The following ARSB variants were observed in gnomAD, a reference collection of about 807,000 sequenced individuals.
ARSB encodes arylsulfatase B, also known as N-acetylgalactosamine-4-sulfatase.
In ARSB, 41 loss-of-function variants were observed where a neutral mutation model predicts 50.9. The observed-to-expected ratio is 0.81, with a 90% confidence interval of 0.63 to 1.04. ARSB has a LOEUF of 1.04. Among genes scored for constraint, ARSB ranks in the 50% least tolerant of loss-of-function variants. ARSB has a pLI of 0.00. For synonymous variants in ARSB, 269 were observed against 284.8 expected (o/e 0.94, Z 0.56); for missense variants, 672 against 693.3 (o/e 0.97, Z 0.35).
At chr5:78,964,322 T>C in intron 3 of ARSB, 94 bp downstream of exon 3, 1 of 1,248,818 alleles carries the variant, frequency 8.0e-7, no homozygotes, top group Admixed American at 1.8e-5. Flanking sequence ...TTTATTAGAT[T>C]TTTCCCTAAA....
intron 4 of ARSB, among the ~76,000 whole-genome samples, chr5:78,949,168 G>T (rs1200125635): frequency 6.6e-6 from 1 of 152,134 alleles, no homozygotes; most frequent in Non-Finnish European, 1.5e-5. Flanking sequence ...GAGGTGGCAA[G>T]GAATGAATCA....
Position 78,938,616 on chromosome 5 carries a change from G to T in ARSB, c.898+16679C>A, listed in dbSNP as rs1022047578. Among the ~76,000 whole-genome samples the T allele has an allele frequency of 5.3e-5, 8 of 152,292 alleles. No homozygotes were observed. In the East Asian group the frequency reaches 1.5e-3, roughly 29 times the overall value. On this transcript the variant is annotated intron_variant, in intron 4 of 7. Transcript: ENST00000264914. ...CACATATAACTTTGTTCCTGGCACA[G>T]AATTTCTATAATATTTTATAAGTCT...
At chr5:78,866,930 C>T (rs1022818832) in intron 5 of ARSB, among the ~76,000 whole-genome samples, 1 of 152,216 alleles carries the variant, frequency 6.6e-6, no homozygotes, top group South Asian at 2.1e-4. Flanking sequence ...CCAGGGAGTG[C>T]AAGACAGTGG....
intron 6 of ARSB, among the ~76,000 whole-genome samples, chr5:78,822,801 C>T (rs923002820): frequency 5.9e-5 from 9 of 152,114 alleles, no homozygotes; most frequent in African/African-American, 1.9e-4. Context: ...CCATGCCCAG[C>T]TAATTTTTGT....
At chr5:78,887,155 C>G (rs1446777456) in intron 4 of ARSB, among the ~76,000 whole-genome samples, 1 of 152,136 alleles carries the variant, frequency 6.6e-6, no homozygotes, top group Non-Finnish European at 1.5e-5. Flanking sequence ...ATAAAGAAAA[C>G]AGGTTTATTT....
intron 1 of ARSB, among the ~76,000 whole-genome samples, chr5:78,983,006 G>A (rs927965174): frequency 1.3e-5 from 2 of 152,156 alleles, no homozygotes; most frequent in Admixed American, 6.5e-5. Context: ...GGTGACTGGT[G>A]GGGGAGGATG....
intron 6 of ARSB, among the ~76,000 whole-genome samples, chr5:78,802,070 C>G (rs996357713): frequency 9.9e-5 from 15 of 151,760 alleles, no homozygotes; most frequent in African/African-American, 3.7e-4. Flanking sequence ...GCACACGAAG[C>G]TCTGTTCATC....
chr5:78,873,533 T>C (rs1747331151), intron 5 of ARSB, among the ~76,000 whole-genome samples: 1 of 114,908 alleles, frequency 8.7e-6, no homozygotes, highest in South Asian at 2.9e-4. Context: ...TCTCGCTCTG[T>C]CGCCCAGGCT....
chr5:78,806,967 ACT>A (rs1240723266), intron 6 of ARSB, among the ~76,000 whole-genome samples: 1 of 151,856 alleles, frequency 6.6e-6, no homozygotes, highest in Non-Finnish European at 1.5e-5. Flanking sequence ...CCGATTAGCT[ACT>A]CTTTCTCCAC....
intron 6 of ARSB, among the ~76,000 whole-genome samples, chr5:78,793,751 T>C (rs1743074437): frequency 1.3e-5 from 2 of 152,042 alleles, no homozygotes; most frequent in African/African-American, 2.4e-5. Context: ...TTGATGGGTG[T>C]TGTGGCTAGG....
chr5:78,913,984 A>G (rs1307241509), intron 4 of ARSB, among the ~76,000 whole-genome samples: 2 of 143,258 alleles, frequency 1.4e-5, no homozygotes, highest in Non-Finnish European at 3.1e-5. Flanking sequence ...TTTTTTTTAG[A>G]CAAGATACCA....
chr5:78,863,185 G>C (rs1746534559), intron 5 of ARSB, among the ~76,000 whole-genome samples: 1 of 152,176 alleles, frequency 6.6e-6, no homozygotes, highest in South Asian at 2.1e-4. Context: ...CAACCATTGT[G>C]GAAGACAGTG....
chr5:78,831,890 G>T (rs1744709970), intron 6 of ARSB, among the ~76,000 whole-genome samples: 1 of 152,050 alleles, frequency 6.6e-6, no homozygotes, highest in South Asian at 2.1e-4. Context: ...GACCCAAAAA[G>T]AAATAAAAAT....
intron 6 of ARSB, among the ~76,000 whole-genome samples, chr5:78,814,536 C>G (rs759750468): frequency 3.3e-5 from 5 of 150,510 alleles, no homozygotes; most frequent in Non-Finnish European, 7.4e-5. Context: ...AAGGCCCACT[C>G]TTTTTTTTGA....
intron 1 of ARSB, among the ~76,000 whole-genome samples, chr5:78,979,939 T>C (rs1752829403): frequency 6.6e-6 from 1 of 152,284 alleles, no homozygotes; most frequent in South Asian, 2.1e-4. Context: ...ATGTGGCATG[T>C]CCATATCATG....
chr5:78,847,851 T>C (rs977810498), intron 5 of ARSB, among the ~76,000 whole-genome samples: 8 of 152,242 alleles, frequency 5.3e-5, no homozygotes, highest in African/African-American at 1.7e-4. Flanking sequence ...TGTTGGCATA[T>C]AGTTGTTCAT....
chr5:78,838,814 C>A (rs958518584), intron 6 of ARSB, among the ~76,000 whole-genome samples: 2 of 152,028 alleles, frequency 1.3e-5, no homozygotes, highest in Admixed American at 1.3e-4. Flanking sequence ...AGGCTCTTTA[C>A]AGGTTAATTT....
At chr5:78,953,854 TATAC>T (rs1168983759) in intron 4 of ARSB, among the ~76,000 whole-genome samples, 1 of 152,180 alleles carries the variant, frequency 6.6e-6, no homozygotes, top group Non-Finnish European at 1.5e-5. Flanking sequence ...AAAAAAAGTA[TATAC>T]ATACATATAT....
intron 5 of ARSB, among the ~76,000 whole-genome samples, chr5:78,866,119 A>G (rs1746712702): frequency 6.6e-6 from 1 of 152,108 alleles, no homozygotes; most frequent in East Asian, 1.9e-4. Context: ...AATTTACTGT[A>G]TTACTCTGTT....
Sources: gnomAD v4.1 joint callset for allele counts (sites outside exome capture counted in the v4.1 genomes callset) on GRCh38, gnomAD v4.1.1 for gene constraint, MANE v1.5 for transcripts, NCBI Gene and HGNC (gene_info 2026-07-23, HGNC 2026-07-21) for gene names.